ATE1: variants seen among roughly 807,000 people sequenced by gnomAD.
ATE1 encodes the protein arginyl-tRNA--protein transferase 1.
In ATE1, 36 loss-of-function variants were observed where a neutral mutation model predicts 70.5. The ratio of observed to expected loss-of-function variants is 0.51; its 90% CI spans 0.39 to 0.67. The LOEUF is 0.67. Among genes scored for constraint, ATE1 ranks in the 30% least tolerant of loss-of-function variants. ATE1 has a pLI of 0.00. For synonymous variants in ATE1, 232 were observed against 219.3 expected (o/e 1.06, Z -0.51); for missense variants, 593 against 629.5 (o/e 0.94, Z 0.62).
chr10:121,752,620 T>C (rs1258706204), intron 11 of ATE1, among the ~76,000 whole-genome samples: 1 of 152,224 alleles, frequency 6.6e-6, no homozygotes. Flanking sequence ...CAATTTCATT[T>C]TTTTGAAAGA....
intron 10 of ATE1, among the ~76,000 whole-genome samples, chr10:121,801,406 T>C (rs192555536): frequency 2.0e-5 from 3 of 152,270 alleles, no homozygotes; most frequent in African/African-American, 7.2e-5. Flanking sequence ...TAATCTTTTT[T>C]CTTCTAAAAA....
intron 4 of ATE1, among the ~76,000 whole-genome samples, chr10:121,912,766 A>T (rs1290426257): frequency 6.8e-6 from 1 of 147,524 alleles, no homozygotes; most frequent in East Asian, 2.0e-4. Context: ...TTTGGTGGAG[A>T]CAGAGTCTTG....
intron 8 of ATE1, among the ~76,000 whole-genome samples, chr10:121,850,829 C>G (rs1453224238): frequency 6.6e-6 from 1 of 152,062 alleles, no homozygotes; most frequent in Non-Finnish European, 1.5e-5. Context: ...CAGTGGCTCA[C>G]GCCTGTAATC....
chr10:121,842,047 A>T (rs1948650004), intron 8 of ATE1, among the ~76,000 whole-genome samples: 1 of 152,240 alleles, frequency 6.6e-6, no homozygotes. Context: ...CTGTTCTGTG[A>T]GTGCCTCAGC....
chr10:121,788,582 G>T (rs1946305786), intron 11 of ATE1, among the ~76,000 whole-genome samples: 1 of 152,192 alleles, frequency 6.6e-6, no homozygotes, highest in Non-Finnish European at 1.5e-5. Flanking sequence ...TAGAACTGAA[G>T]AAGTTACTGC....
At chr10:121,862,861 G>T (rs1441577323) in intron 8 of ATE1, among the ~76,000 whole-genome samples, 1 of 152,088 alleles carries the variant, frequency 6.6e-6, no homozygotes, top group African/African-American at 2.4e-5. Context: ...AGTTTACAAA[G>T]ACCATGGCAA....
At chr10:121,822,239 A>G (rs1947827475) in intron 10 of ATE1, among the ~76,000 whole-genome samples, 1 of 152,244 alleles carries the variant, frequency 6.6e-6, no homozygotes, top group African/African-American at 2.4e-5. Context: ...ATACAACCAC[A>G]TGGATAAATC....
At chr10:121,812,136 T>C (rs1286362055) in intron 10 of ATE1, among the ~76,000 whole-genome samples, 1 of 151,702 alleles carries the variant, frequency 6.6e-6, no homozygotes, top group Non-Finnish European at 1.5e-5. Flanking sequence ...TTGTATTTTT[T>C]GTAGAGACTG....
Position 121,922,365 on chromosome 10 carries a change from G to A in ATE1, c.217C>T (p.Pro73Ser). 6 of 1,597,470 alleles carry A rather than the reference G, an allele frequency of 3.8e-6. No individual in the cohort carries two copies. Among genetic ancestry groups the A allele is most frequent in the African/African-American group, 1.3e-5 (1 of 74,666 alleles). ...AATTCTTACCTTATTGTGTACTGAGGACAACATGTTTGATTCATGACAGGT... is the reference window on the plus strand; with the variant it reads ...AATTCTTACCTTATTGTGTACTGAGAACAACATGTTTGATTCATGACAGGT... Reference protein sequence around the residue: ...YKPVMNQTCCPQYTIRCRPLQ... With the variant: ...YKPVMNQTCCSQYTIRCRPLQ... Residue 73 changes from proline (P) to serine (S), a missense_variant, in exon 3 of 12, where the codon CCT (proline) becomes TCT (serine). Pro to Ser is a moderately conservative substitution (Grantham distance 74, BLOSUM62 -1). Transcript: ENST00000224652.
chr10:121,892,884 G>A (rs898294615), intron 7 of ATE1, among the ~76,000 whole-genome samples: 1 of 152,188 alleles, frequency 6.6e-6, no homozygotes, highest in African/African-American at 2.4e-5. Flanking sequence ...TGACATCCAG[G>A]GTGACTGTGC....
At chr10:121,860,593 T>C (rs1043369230) in intron 8 of ATE1, among the ~76,000 whole-genome samples, 6 of 152,250 alleles carry the variant, frequency 3.9e-5, no homozygotes, top group African/African-American at 1.4e-4. Flanking sequence ...GCTTATGTAA[T>C]TGAGAAAGGA....
intron 8 of ATE1, chr10:121,846,571 TC>T (rs1948830728): frequency 6.6e-6 from 1 of 152,116 alleles, no homozygotes; most frequent in Non-Finnish European, 1.5e-5. Flanking sequence ...TTCTCAAACT[TC>T]CATTGGTGGT....
rs9651479 is a variant in ATE1, at chr10:121,809,907, A to C, written c.1258-19618T>G. 4.7e-3 allele frequency among the ~76,000 whole-genome samples: 712 copies of C among 152,000 alleles called. 8 individuals are homozygous for C. Among genetic ancestry groups the C allele is most frequent in the African/African-American group, 0.014 (567 of 41,454 alleles). On this transcript the variant is annotated intron_variant, in intron 10 of 11. Coordinates refer to ENST00000224652, the MANE Select transcript of ATE1 (RefSeq NM_001001976.3). ...AAAAACAAAACAAAACAAAACAAAA[A>C]AAAAAACAATGCACCCAGAGGTTAG...
chr10:121,892,379 A>G (rs1296014150), intron 7 of ATE1, among the ~76,000 whole-genome samples: 1 of 152,094 alleles, frequency 6.6e-6, no homozygotes, highest in South Asian at 2.1e-4. Flanking sequence ...AGAGAGCACA[A>G]GAGTGGCAGA....
chr10:121,834,925 T>A (rs1482569834), intron 10 of ATE1, among the ~76,000 whole-genome samples: 2 of 152,124 alleles, frequency 1.3e-5, no homozygotes, highest in Non-Finnish European at 2.9e-5. Flanking sequence ...AAGATTAATA[T>A]AAGGACAGCC....
intron 10 of ATE1, among the ~76,000 whole-genome samples, chr10:121,830,834 A>G (rs1195857111): frequency 6.6e-6 from 1 of 152,218 alleles, no homozygotes; most frequent in African/African-American, 2.4e-5. Context: ...GGTTTACTTC[A>G]GATTTTCGGA....
intron 11 of ATE1, among the ~76,000 whole-genome samples, chr10:121,787,190 T>C (rs1348750803): frequency 6.6e-6 from 1 of 152,218 alleles, no homozygotes; most frequent in African/African-American, 2.4e-5. Context: ...AGTGATCAAC[T>C]GTGCCTTTGC....
intron 10 of ATE1, among the ~76,000 whole-genome samples, chr10:121,819,347 T>C (rs926972903): frequency 1.3e-5 from 2 of 152,192 alleles, no homozygotes; most frequent in Admixed American, 1.3e-4. Flanking sequence ...TCCATGCATA[T>C]GCTTCCATGC....
chr10:121,893,346 G>C (rs995951209), intron 7 of ATE1, among the ~76,000 whole-genome samples: 1 of 151,728 alleles, frequency 6.6e-6, no homozygotes, highest in Non-Finnish European at 1.5e-5. Context: ...CAATAACATG[G>C]AGAAAATTAA....
Sources: gnomAD v4.1 joint callset for allele counts (sites outside exome capture counted in the v4.1 genomes callset) on GRCh38, gnomAD v4.1.1 for gene constraint, MANE v1.5 for transcripts, NCBI Gene and HGNC (gene_info 2026-07-23, HGNC 2026-07-21) for gene names.